TTLL8: variants seen among roughly 807,000 people sequenced by gnomAD.
TTLL8 encodes the protein tubulin tyrosine ligase like 8, also known as protein monoglycylase TTLL8.
In TTLL8, 65 loss-of-function variants were observed where a neutral mutation model predicts 77.8. The observed-to-expected ratio is 0.84, with a 90% CI of 0.68 to 1.03. The LOEUF is 1.03. TTLL8 is among the 50% of genes least tolerant of loss of function. TTLL8 has a pLI of 0.00. For synonymous variants in TTLL8, 402 were observed against 422.8 expected (o/e 0.95, Z 0.60); for missense variants, 910 against 1,004.5 (o/e 0.91, Z 1.27).
intron 1 of TTLL8, among the ~76,000 whole-genome samples, chr22:50,050,677 T>TA (rs1171612476): frequency 6.6e-6 from 1 of 152,026 alleles, no homozygotes. Flanking sequence ...CCCTAGGAGT[T>TA]AAAAAAAGTA....
chr22:50,032,224 T>C (rs1601915835), intron 10 of TTLL8, 115 bp from the exon 12 acceptor site: 1 of 1,120,122 alleles, frequency 8.9e-7, no homozygotes, highest in East Asian at 4.9e-5. Context: ...ACCCTGCCCC[T>C]GAGGACTCCA....
At chr22:50,027,906 T>A (rs2061241199) in intron 12 of TTLL8, among the ~76,000 whole-genome samples, 1 of 152,034 alleles carries the variant, frequency 6.6e-6, no homozygotes, top group South Asian at 2.1e-4. Flanking sequence ...CGGGTTGGAG[T>A]TGTTTGCCAC....
At chr22:50,027,773 C>A in intron 12 of TTLL8, 2 of 985,440 alleles carry the variant, frequency 2.0e-6, no homozygotes, top group South Asian at 4.7e-5. Context: ...ACACACCAGG[C>A]GAGCACTAGC....
rs115305036 is a variant in TTLL8, at chr22:50,025,227, A to G, written c.2203+5203T>C. Among the ~76,000 whole-genome samples the G allele has an allele frequency of 4.3e-3, 645 of 151,534 alleles. 8 individuals carry two copies. Among genetic ancestry groups the G allele is most frequent in the African/African-American group, 0.015 (614 of 41,266 alleles). ...TATTTCACGTAACCCACAAATATATACACCTACTGTGTACCCACAGAAATA... is the reference window on the plus strand; with the variant it reads ...TATTTCACGTAACCCACAAATATATGCACCTACTGTGTACCCACAGAAATA... On this transcript the variant is annotated intron_variant, in intron 12 of 13. Transcript: ENST00000266182.
exon 2 of TTLL8, chr22:50,050,179 C>G: frequency 7.3e-7 from 1 of 1,365,662 alleles, no homozygotes; most frequent in Non-Finnish European, 9.8e-7. Flanking sequence ...TCTTCTCTAC[C>G]CAGCCCTTCC....
chr22:50,019,668 T>C (rs1224890356), intron 12 of TTLL8, among the ~76,000 whole-genome samples: 2 of 152,154 alleles, frequency 1.3e-5, no homozygotes, highest in Non-Finnish European at 2.9e-5. Context: ...TGAGGCTGCC[T>C]CAGTTCACAC....
chr22:50,030,523 C>A (rs1369303281), exon 12 of TTLL8: 1 of 1,333,754 alleles, frequency 7.5e-7, no homozygotes, highest in Non-Finnish European at 9.9e-7. Flanking sequence ...TGGTTTGGAT[C>A]CCAGCTTTTG....
chr22:50,045,483 A>G, intron 5 of TTLL8, 94 bp from the exon 8 acceptor site: 2 of 1,136,498 alleles, frequency 1.8e-6, no homozygotes, highest in African/African-American at 1.6e-5. Context: ...AACCCGCCCC[A>G]CTTCCCGCCC....
At chr22:50,028,588 C>T (rs902614982) in intron 12 of TTLL8, among the ~76,000 whole-genome samples, 20 of 148,982 alleles carry the variant, frequency 1.3e-4, no homozygotes, top group African/African-American at 4.7e-4. Context: ...CCCCACCATG[C>T]CCTCGTAAAG....
chr22:50,055,525 C>T (rs1286547620), upstream of TTLL8, among the ~76,000 whole-genome samples: 1 of 151,804 alleles, frequency 6.6e-6, no homozygotes, highest in East Asian at 1.9e-4. Flanking sequence ...GATGGTAGCT[C>T]ATGCCTGTAA....
intron 11 of TTLL8, 31 bp downstream of exon 12, chr22:50,031,655 A>G (rs1480272992): frequency 1.6e-6 from 2 of 1,234,650 alleles, no homozygotes; most frequent in East Asian, 5.5e-5. Flanking sequence ...GCGGGCGGCC[A>G]CCAAAGTCCC....
upstream of TTLL8, among the ~76,000 whole-genome samples, chr22:50,056,442 C>T (rs990341197): frequency 9.9e-5 from 15 of 152,146 alleles, no homozygotes; most frequent in Non-Finnish European, 1.8e-4. The surrounding 1 kb of genome is among the most constrained non-coding windows in gnomAD (Gnocchi z 4.1). Flanking sequence ...GGCCCTTAAA[C>T]GGTTGGGGGA....
At chr22:50,056,689 C>G (rs113045792), upstream of TTLL8, 4,635 of 944,390 alleles carry the variant, frequency 4.9e-3, 17 homozygotes, top group South Asian at 8.6e-3. This position sits in a 1 kb window ranked among gnomAD's most constrained non-coding sequence, Gnocchi z 4.1. Flanking sequence ...CCAGCGCCCC[C>G]CAACACCCCT....
chr22:50,028,508 AGTGG>A (rs2061245817), intron 12 of TTLL8, among the ~76,000 whole-genome samples: 1 of 152,120 alleles, frequency 6.6e-6, no homozygotes, highest in South Asian at 2.1e-4. Flanking sequence ...CATCTCCGTG[AGTGG>A]GTCCCAGCCC....
chr22:50,036,364 C>T (rs925944705), intron 8 of TTLL8, among the ~76,000 whole-genome samples: 26 of 152,132 alleles, frequency 1.7e-4, no homozygotes, highest in African/African-American at 6.3e-4. Context: ...TCTAAGAAAA[C>T]GCAGTGGGGT....
rs1012720499 is a variant in TTLL8 at position 50,049,976 on chromosome 22, C to T, written c.190+133G>A. ...AGGGAGGCCAGGAGGGTGATGGAGA[C>T]CTGGGGTCGGAGATACCCCATCACG... On this transcript the variant is annotated intron_variant, in intron 2 of 13. Coordinates refer to ENST00000266182, the Ensembl canonical transcript of TTLL8. The T allele has an allele frequency of 2.1e-5, 24 of 1,121,170 alleles. No individual in the cohort carries two copies. In the Admixed American group the frequency reaches 8.1e-4, roughly 38 times the overall value. 69.5% of individuals were successfully genotyped at this position (1,121,170 alleles called of 1,614,324 possible).
chr22:50,023,557 C>T (rs905569354), intron 12 of TTLL8, among the ~76,000 whole-genome samples: 7 of 151,870 alleles, frequency 4.6e-5, no homozygotes, highest in South Asian at 4.2e-4. Flanking sequence ...TGGTAGTGTG[C>T]GCCTGTCATC....
At chr22:50,037,605 G>C (rs540979026) in intron 8 of TTLL8, among the ~76,000 whole-genome samples, 1 of 151,904 alleles carries the variant, frequency 6.6e-6, no homozygotes, top group East Asian at 1.9e-4. Context: ...TCGTATGGCT[G>C]ACCACTGTTT....
At position 50,031,962 on chromosome 22, in the gene TTLL8, G is replaced by A. The variant is rs749670257; in HGVS notation, c.1431C>T (p.Ser477=). Residue 477 remains serine, a synonymous_variant, in exon 11 of 14, where the codon AGC becomes AGT. Coordinates refer to ENST00000266182, the Ensembl canonical transcript of TTLL8. ...CCTTCTTCATGGACGGGTAGATGAC[G>A]CTGCCCCACACGGCGCCACGGCCCT... 83 of 1,366,626 alleles carry A rather than the reference G, an allele frequency of 6.1e-5. 4 individuals carry two copies. The Middle Eastern group carries it at 0.011, about 179-fold the overall frequency. The allele number at this position is 1,366,626 out of a possible 1,614,324, so 84.7% of individuals were successfully genotyped here. A position where few individuals can be genotyped will look rare whatever the true frequency, so the allele number is the denominator to read the frequency against.
Sources: gnomAD v4.1 joint callset for allele counts (sites outside exome capture counted in the v4.1 genomes callset) on GRCh38, gnomAD v4.1.1 for gene constraint, Gnocchi (gnomAD v3.1) non-coding constraint, MANE v1.5 for transcripts, NCBI Gene and HGNC (gene_info 2026-07-23, HGNC 2026-07-21) for gene names.